The following TJP1 variants were observed in gnomAD, a reference collection of about 807,000 sequenced individuals.
TJP1 encodes tight junction protein 1, also known as tight junction protein ZO-1.
TJP1 carries 43 observed loss-of-function variants against 194.2 expected under a neutral mutation model. That is an observed-to-expected ratio of 0.22 (90% CI 0.17 to 0.29). The LOEUF is 0.29. TJP1 is among the 10% of genes least tolerant of loss of function. TJP1 has a pLI of 1.00. For synonymous variants in TJP1, 801 were observed against 779.0 expected (o/e 1.03, Z -0.47); for missense variants, 1,971 against 2,185.7 (o/e 0.90, Z 1.96).
chr15:29,734,711 C>G (rs1426481641), intron 11 of TJP1, among the ~76,000 whole-genome samples: 1 of 152,014 alleles, frequency 6.6e-6, no homozygotes, highest in Non-Finnish European at 1.5e-5. Flanking sequence ...GTCTCAAACT[C>G]CTGACCTCAG....
At chr15:29,840,141 G>A (rs1252636046) in intron 2 of TJP1, among the ~76,000 whole-genome samples, 1 of 152,098 alleles carries the variant, frequency 6.6e-6, no homozygotes, top group Non-Finnish European at 1.5e-5. Flanking sequence ...TATGTGCAAG[G>A]ACTTTGTTGA....
chr15:29,947,123 T>C (rs1292709102), intron 2 of TJP1, among the ~76,000 whole-genome samples: 1 of 152,176 alleles, frequency 6.6e-6, no homozygotes, highest in Non-Finnish European at 1.5e-5. Flanking sequence ...ATCTAAATCA[T>C]GCAACATAAA....
intron 2 of TJP1, among the ~76,000 whole-genome samples, chr15:29,827,733 G>C (rs1402646794): frequency 3.3e-5 from 5 of 152,134 alleles, no homozygotes; most frequent in Non-Finnish European, 5.9e-5. Context: ...AGTCAGGATG[G>C]AAACCCTGGA....
chr15:29,919,076 G>A (rs1323467249), intron 2 of TJP1, among the ~76,000 whole-genome samples: 2 of 152,208 alleles, frequency 1.3e-5, no homozygotes, highest in Admixed American at 6.5e-5. Flanking sequence ...AGAGCAAAAA[G>A]CAGGTCATGC....
chr15:29,813,854 T>C (rs2049709392), intron 1 of TJP1, among the ~76,000 whole-genome samples: 1 of 152,212 alleles, frequency 6.6e-6, no homozygotes, highest in Non-Finnish European at 1.5e-5. Flanking sequence ...ACAACAGTGA[T>C]TGGTACACAC....
intron 2 of TJP1, among the ~76,000 whole-genome samples, chr15:29,931,244 A>G (rs533348058): frequency 1.9e-3 from 296 of 152,300 alleles, no homozygotes; most frequent in South Asian, 3.9e-3. Flanking sequence ...CACATTGAGT[A>G]GGCTGCAGAG....
At chr15:29,857,082 T>C (rs2051884482) in intron 2 of TJP1, among the ~76,000 whole-genome samples, 1 of 152,180 alleles carries the variant, frequency 6.6e-6, no homozygotes, top group Non-Finnish European at 1.5e-5. Flanking sequence ...TCCATGGATT[T>C]TGATATCTGA....
intron 22 of TJP1, among the ~76,000 whole-genome samples, 164 bp downstream of exon 22, chr15:29,717,857 T>TC (rs769021986): frequency 7.2e-5 from 11 of 152,128 alleles, no homozygotes; most frequent in Admixed American, 6.5e-5. Flanking sequence ...CTACTTTTTT[T>TC]CCCCCTAGAA....
intron 2 of TJP1, among the ~76,000 whole-genome samples, chr15:29,932,404 G>A (rs891490600): frequency 6.6e-6 from 1 of 152,066 alleles, no homozygotes; most frequent in African/African-American, 2.4e-5. Flanking sequence ...CCCAATATAT[G>A]GTGCTGAGAC....
At chr15:29,961,120 C>G (rs1056368462) in intron 1 of TJP1, among the ~76,000 whole-genome samples, 1 of 152,086 alleles carries the variant, frequency 6.6e-6, no homozygotes, top group African/African-American at 2.4e-5. Context: ...CCACCAAGGA[C>G]AGTTCCATTT....
intron 8 of TJP1, among the ~76,000 whole-genome samples, chr15:29,751,694 T>C (rs1310453078): frequency 6.6e-6 from 1 of 152,230 alleles, no homozygotes; most frequent in Non-Finnish European, 1.5e-5. Flanking sequence ...GTTTATTTGG[T>C]AGATTTTATA....
chr15:29,942,343 A>G (rs973121274), intron 2 of TJP1, among the ~76,000 whole-genome samples: 3 of 152,204 alleles, frequency 2.0e-5, no homozygotes, highest in African/African-American at 7.2e-5. Flanking sequence ...AAAGCCCACT[A>G]GGTGGAGATG....
At chr15:29,795,774 TC>T (rs1269881650) in intron 2 of TJP1, among the ~76,000 whole-genome samples, 1 of 151,860 alleles carries the variant, frequency 6.6e-6, no homozygotes, top group East Asian at 1.9e-4. Flanking sequence ...CATCAGCAAA[TC>T]AATCCAGCAA....
At chr15:29,860,476 C>T (rs2052035099) in intron 2 of TJP1, among the ~76,000 whole-genome samples, 1 of 152,182 alleles carries the variant, frequency 6.6e-6, no homozygotes, top group Non-Finnish European at 1.5e-5. Context: ...CTTTCTGTTT[C>T]TACAAATTTG....
At chr15:29,886,996 T>A (rs1009520674) in intron 2 of TJP1, among the ~76,000 whole-genome samples, 1 of 151,528 alleles carries the variant, frequency 6.6e-6, no homozygotes, top group Non-Finnish European at 1.5e-5. Context: ...TGCCACAACA[T>A]GTAAGCCGTG....
chr15:29,714,251 T>C (rs921301375), intron 23 of TJP1, among the ~76,000 whole-genome samples: 1 of 152,214 alleles, frequency 6.6e-6, no homozygotes, highest in African/African-American at 2.4e-5. Flanking sequence ...TACTCCTTTT[T>C]TTTTTTGAGA....
intron 2 of TJP1, among the ~76,000 whole-genome samples, chr15:29,779,442 G>C (rs898304779): frequency 3.3e-5 from 5 of 152,172 alleles, no homozygotes; most frequent in African/African-American, 9.7e-5. Flanking sequence ...TCTTTGGAGA[G>C]GTGGGTTTGA....
intron 2 of TJP1, among the ~76,000 whole-genome samples, chr15:29,780,826 A>T (rs2047324318): frequency 2.0e-5 from 3 of 152,154 alleles, no homozygotes. Flanking sequence ...AAACATCTTA[A>T]GAGAAAAAGT....
At chr15:29,843,823 G>A (rs773559451) in intron 2 of TJP1, among the ~76,000 whole-genome samples, 2 of 152,174 alleles carry the variant, frequency 1.3e-5, no homozygotes, top group African/African-American at 4.8e-5. Context: ...CTCCCAGTGT[G>A]AGTGTGGGTG....
Sources: gnomAD v4.1 joint callset for allele counts (sites outside exome capture counted in the v4.1 genomes callset) on GRCh38, gnomAD v4.1.1 for gene constraint, MANE v1.5 for transcripts, NCBI Gene and HGNC (gene_info 2026-07-23, HGNC 2026-07-21) for gene names.